The following DMD variants were observed in gnomAD, a reference collection of about 807,000 sequenced individuals.
DMD encodes the protein mutant dystrophin.
In DMD, 63 loss-of-function variants were observed where a neutral mutation model predicts 330.1. That is an observed-to-expected ratio of 0.19 (90% CI 0.16 to 0.24). DMD has a LOEUF of 0.24. DMD is among the 10% of genes least tolerant of loss of function. The pLI, the probability that DMD is intolerant of heterozygous loss-of-function variation, is 1.00. For synonymous variants in DMD, 1,223 were observed against 959.8 expected, an observed-to-expected ratio of 1.27 and a Z score of -5.07; for missense variants, 3,344 against 2,684.1, an observed-to-expected ratio of 1.25 and a Z score of -5.43.
At chrX:32,438,130 A>G in intron 29 of DMD, 111 bp downstream of exon 29, 2 of 838,448 alleles carry the variant, frequency 2.4e-6, no homozygotes, top group Non-Finnish European at 3.5e-6. Context: ...TGTCTCTGAA[A>G]CCTGAAAGCT....
At chrX:32,739,862 C>T (rs1012103672) in intron 7 of DMD, among the ~76,000 whole-genome samples, 2 of 110,323 alleles carry the variant, frequency 1.8e-5, no homozygotes, top group African/African-American at 6.6e-5. Flanking sequence ...ATGAGAAACT[C>T]AGGGGGTGGA....
chrX:32,244,222 G>C (rs1248377840), intron 43 of DMD, among the ~76,000 whole-genome samples: 3 of 104,708 alleles, frequency 2.9e-5, no homozygotes, highest in Non-Finnish European at 5.8e-5. Flanking sequence ...TTGGTTTTTT[G>C]TTCTTGCGAT....
chrX:32,633,556 G>A (rs2058888190), intron 11 of DMD, among the ~76,000 whole-genome samples: 2 of 111,965 alleles, frequency 1.8e-5, no homozygotes, highest in African/African-American at 6.5e-5. Context: ...ACATTTTCAA[G>A]TATCTTGACA....
chrX:31,409,459 A>G (rs1260290805), intron 60 of DMD, among the ~76,000 whole-genome samples: 3 of 112,537 alleles, frequency 2.7e-5, no homozygotes, highest in Non-Finnish European at 5.6e-5. Flanking sequence ...TCTGCTTTCC[A>G]GTGGGGAAAT....
At chrX:32,652,965 G>A (rs1374440320) in intron 9 of DMD, among the ~76,000 whole-genome samples, 1 of 111,843 alleles carries the variant, frequency 8.9e-6, no homozygotes, top group Non-Finnish European at 1.9e-5. Context: ...TGCCTTTTTT[G>A]AGAAGTGTCT....
intron 50 of DMD, among the ~76,000 whole-genome samples, chrX:31,817,863 C>G (rs958898103): frequency 1.8e-5 from 2 of 111,918 alleles, no homozygotes; most frequent in Non-Finnish European, 3.8e-5. Flanking sequence ...ACTTCAGTAT[C>G]GTTGCTCAGT....
chrX:32,980,494 C>A (rs981635259), intron 2 of DMD, among the ~76,000 whole-genome samples: 6 of 108,799 alleles, frequency 5.5e-5, no homozygotes, highest in Non-Finnish European at 1.1e-4. Flanking sequence ...AGAACTCCGA[C>A]ACAATGTCTT....
At chrX:31,366,436 C>T (rs189888371) in intron 60 of DMD, among the ~76,000 whole-genome samples, 62 of 70,705 alleles carry the variant, frequency 8.8e-4, no homozygotes, top group Non-Finnish European at 2.4e-4. Context: ...GAAGACCATT[C>T]TCTTATTAAG....
At chrX:32,415,669 C>T (rs1428769936) in intron 29 of DMD, among the ~76,000 whole-genome samples, 1 of 111,861 alleles carries the variant, frequency 8.9e-6, no homozygotes. Context: ...TTTAGCTAAT[C>T]CACTTAGCAG....
intron 1 of DMD, among the ~76,000 whole-genome samples, chrX:33,138,438 G>A (rs1255084003): frequency 9.0e-6 from 1 of 111,663 alleles, no homozygotes; most frequent in Non-Finnish European, 1.9e-5. Flanking sequence ...CTAATTCTCA[G>A]TGCTTTAGGC....
At chrX:32,310,825 T>C (rs771854445) in intron 41 of DMD, among the ~76,000 whole-genome samples, 4 of 110,918 alleles carry the variant, frequency 3.6e-5, no homozygotes, top group East Asian at 5.8e-4. Flanking sequence ...TTAGCTCCTG[T>C]TTTTGTTGCT....
chrX:32,018,032 C>T lies in DMD; in HGVS notation c.6439-49518G>A, dbSNP rs144108366. 3.2e-3 allele frequency among the ~76,000 whole-genome samples: 356 copies of T among 110,816 alleles called. 2 individuals are homozygous for T. The highest frequency in any genetic ancestry group is 0.011 in the African/African-American group (334 of 30,460). On this transcript the variant is annotated intron_variant, in intron 44 of 78. Coordinates refer to ENST00000357033, the MANE Select transcript of DMD (RefSeq NM_004006.3). ...TTTCAAGTGCTATGTACTGAGAATGCGCCCACGAACATGACAGATAATATA... is the reference window on the plus strand; with the variant it reads ...TTTCAAGTGCTATGTACTGAGAATGTGCCCACGAACATGACAGATAATATA...
intron 1 of DMD, among the ~76,000 whole-genome samples, chrX:33,263,185 A>T (rs930924182): frequency 4.5e-4 from 50 of 110,553 alleles, no homozygotes; most frequent in African/African-American, 1.6e-3. Flanking sequence ...AAATATATAC[A>T]TGTATCAAAA....
chrX:32,845,739 G>T (rs2080596138), intron 3 of DMD, among the ~76,000 whole-genome samples: 1 of 111,960 alleles, frequency 8.9e-6, no homozygotes, highest in Admixed American at 9.5e-5. Context: ...GACTGCCTGG[G>T]TTCAATTGTC....
At chrX:31,550,605 A>G (rs1340528073) in intron 55 of DMD, among the ~76,000 whole-genome samples, 1 of 112,219 alleles carries the variant, frequency 8.9e-6, no homozygotes, top group East Asian at 2.8e-4. Context: ...ACTATTTCCA[A>G]TTTTAACTGT....
At chrX:32,115,034 T>G (rs758893236) in intron 44 of DMD, among the ~76,000 whole-genome samples, 2 of 112,327 alleles carry the variant, frequency 1.8e-5, no homozygotes. Context: ...GATTCTATCA[T>G]GAAGGACTTT....
At chrX:31,904,717 C>G (rs958555364) in intron 47 of DMD, among the ~76,000 whole-genome samples, 2 of 111,276 alleles carry the variant, frequency 1.8e-5, no homozygotes, top group Non-Finnish European at 1.9e-5. Context: ...CCTTCCAAGG[C>G]AAGCTTTCAA....
At chrX:32,628,323 CAA>C (rs1261142874) in intron 11 of DMD, among the ~76,000 whole-genome samples, 5 of 66,060 alleles carry the variant, frequency 7.6e-5, no homozygotes, top group Non-Finnish European at 1.0e-4. Context: ...TGAGAACATG[CAA>C]AGTTTGTTTT....
At chrX:31,921,255 C>A (rs965194716) in intron 47 of DMD, among the ~76,000 whole-genome samples, 8 of 111,793 alleles carry the variant, frequency 7.2e-5, no homozygotes, top group Non-Finnish European at 1.3e-4. Flanking sequence ...AGTGAGAATG[C>A]TGGTGTTTGA....
Sources: gnomAD v4.1 joint callset for allele counts (sites outside exome capture counted in the v4.1 genomes callset) on GRCh38, gnomAD v4.1.1 for gene constraint, MANE v1.5 for transcripts, NCBI Gene and HGNC (gene_info 2026-07-23, HGNC 2026-07-21) for gene names.